TPH2: variants seen among roughly 807,000 people sequenced by gnomAD.
The protein encoded by TPH2 is tryptophan 5-hydroxylase 2.
Under a neutral mutation model 59.1 loss-of-function variants are expected in TPH2, and 27 were observed. The ratio of observed to expected loss-of-function variants is 0.46; its 90% CI spans 0.34 to 0.63. The LOEUF is 0.63. Among genes scored for constraint, TPH2 ranks in the 30% least tolerant of loss-of-function variants. The probability of loss-of-function intolerance (pLI) is 0.01; values close to 1 mark genes in which losing one functional copy is unlikely to be tolerated. For synonymous variants in TPH2, 220 were observed against 210.5 expected (o/e 1.05, Z -0.39); for missense variants, 523 against 588.3 (o/e 0.89, Z 1.15).
chr12:71,952,255 G>A (rs1020393407), intron 5 of TPH2, among the ~76,000 whole-genome samples: 2 of 152,176 alleles, frequency 1.3e-5, no homozygotes, highest in Non-Finnish European at 2.9e-5. Context: ...AGATGAAGGT[G>A]TGATGTCTGT....
At chr12:71,990,355 A>G (rs2139218651) in intron 7 of TPH2, among the ~76,000 whole-genome samples, 1 of 152,300 alleles carries the variant, frequency 6.6e-6, no homozygotes, top group East Asian at 1.9e-4. Context: ...AATAGAGTTT[A>G]ATAGCATAAT....
intron 8 of TPH2, among the ~76,000 whole-genome samples, chr12:72,014,292 C>T (rs1048063727): frequency 6.6e-6 from 1 of 152,110 alleles, no homozygotes; most frequent in Non-Finnish European, 1.5e-5. Context: ...TCTTAATTTA[C>T]ATTTTACATA....
rs767555016 is a variant in TPH2, at chr12:71,979,073, C to T, written c.927C>T (p.Leu309=). The change falls in exon 7 of 11, where the codon CTC becomes CTT. Residue 309 remains leucine (L), a synonymous_variant. Transcript: ENST00000333850. ...ACATCCGGCATGGCTCAGATCCCCT[C>T]TACACCCCAGAACCGTGAGTACCTA... is the stretch of plus-strand genomic sequence containing the variant. The part of the protein sequence containing the change: ...TQYIRHGSDP[L]YTPEPDTCHE... 1.8e-5 allele frequency: 29 copies of T among 1,614,160 alleles called. 2 individuals carry two copies. The Middle Eastern group carries it at 4.0e-3, about 220-fold the overall frequency.
intron 7 of TPH2, among the ~76,000 whole-genome samples, chr12:71,993,137 G>A (rs1196840853): frequency 6.6e-6 from 1 of 152,178 alleles, no homozygotes; most frequent in Non-Finnish European, 1.5e-5. Flanking sequence ...TTGGGGATAC[G>A]GTTTGAGTTG....
chr12:72,027,414 A>G (rs1211466145), intron 9 of TPH2, among the ~76,000 whole-genome samples: 1 of 152,184 alleles, frequency 6.6e-6, no homozygotes, highest in Non-Finnish European at 1.5e-5. Context: ...CCATTACCTC[A>G]TTTAATTTTG....
intron 5 of TPH2, among the ~76,000 whole-genome samples, chr12:71,969,107 C>A (rs922199945): frequency 1.3e-5 from 2 of 152,076 alleles, no homozygotes; most frequent in Admixed American, 6.6e-5. Flanking sequence ...CACGGTGAAA[C>A]CCCATCTCTA....
At chr12:71,997,682 C>CT in intron 8 of TPH2, among the ~76,000 whole-genome samples, 1 of 152,074 alleles carries the variant, frequency 6.6e-6, no homozygotes, top group East Asian at 1.9e-4. Flanking sequence ...AATGTACCTG[C>CT]TTTTTTGCAA....
At chr12:71,995,369 C>T (rs1872669144) in intron 8 of TPH2, among the ~76,000 whole-genome samples, 1 of 151,986 alleles carries the variant, frequency 6.6e-6, no homozygotes, top group Non-Finnish European at 1.5e-5. Context: ...AGTCAGTTAG[C>T]CTAGTGAGCA....
chr12:71,999,707 T>C (rs1427982157), intron 8 of TPH2, among the ~76,000 whole-genome samples: 3 of 152,204 alleles, frequency 2.0e-5, no homozygotes, highest in Non-Finnish European at 4.4e-5. Context: ...AATGTATATA[T>C]TATGCTAAAG....
chr12:71,992,586 A>G (rs1011773548), intron 7 of TPH2, among the ~76,000 whole-genome samples: 19 of 152,080 alleles, frequency 1.2e-4, no homozygotes, highest in African/African-American at 4.6e-4. Flanking sequence ...CCCGAGCAAC[A>G]AAGGGAGACC....
intron 5 of TPH2, among the ~76,000 whole-genome samples, chr12:71,952,188 G>A (rs1871366928): frequency 6.6e-6 from 1 of 152,098 alleles, no homozygotes; most frequent in African/African-American, 2.4e-5. Flanking sequence ...TGGAGAGTGA[G>A]GTTCTCAAAG....
intron 6 of TPH2, among the ~76,000 whole-genome samples, chr12:71,978,443 A>G (rs1175177720): frequency 1.3e-5 from 2 of 152,216 alleles, no homozygotes; most frequent in African/African-American, 4.8e-5. Flanking sequence ...GATAATTTAT[A>G]TAACATCACA....
chr12:72,029,239 A>G (rs762653710), intron 9 of TPH2, among the ~76,000 whole-genome samples: 1 of 152,172 alleles, frequency 6.6e-6, no homozygotes, highest in Non-Finnish European at 1.5e-5. Flanking sequence ...GTCCCAAGGG[A>G]GCCATGGCTT....
chr12:71,983,043 CA>C (rs780253549), intron 7 of TPH2, among the ~76,000 whole-genome samples: 3 of 145,874 alleles, frequency 2.1e-5, no homozygotes, highest in Non-Finnish European at 4.5e-5. Context: ...CAAATCTGCA[CA>C]TGGACTCCCT....
intron 6 of TPH2, among the ~76,000 whole-genome samples, chr12:71,977,178 C>T (rs548023478): frequency 6.6e-6 from 1 of 152,280 alleles, no homozygotes; most frequent in East Asian, 1.9e-4. Context: ...CACCTGTATT[C>T]CCCGAGTAGC....
At chr12:72,007,414 ATAAC>A (rs1362372509) in intron 8 of TPH2, among the ~76,000 whole-genome samples, 1 of 152,204 alleles carries the variant, frequency 6.6e-6, no homozygotes, top group Non-Finnish European at 1.5e-5. Context: ...CCTTCCCTGA[ATAAC>A]TAAATAAAGC....
chr12:71,995,882 A>G (rs1208662627), intron 8 of TPH2, among the ~76,000 whole-genome samples: 1 of 152,230 alleles, frequency 6.6e-6, no homozygotes, highest in Non-Finnish European at 1.5e-5. Context: ...AAGAAAATAT[A>G]TTTGTAGACT....
intron 7 of TPH2, among the ~76,000 whole-genome samples, chr12:71,982,941 C>A (rs1185025748): frequency 1.3e-5 from 2 of 152,190 alleles, no homozygotes; most frequent in Non-Finnish European, 2.9e-5. Context: ...TCTTTGACTT[C>A]TTTTTACATT....
chr12:71,949,849 G>C (rs914346300), intron 5 of TPH2, among the ~76,000 whole-genome samples, 194 bp downstream of exon 5: 2 of 152,064 alleles, frequency 1.3e-5, no homozygotes, highest in Non-Finnish European at 2.9e-5. Flanking sequence ...AAAATAATGA[G>C]ACCTGTGAGC....
Sources: gnomAD v4.1 joint callset for allele counts (sites outside exome capture counted in the v4.1 genomes callset) on GRCh38, gnomAD v4.1.1 for gene constraint, MANE v1.5 for transcripts, NCBI Gene and HGNC (gene_info 2026-07-23, HGNC 2026-07-21) for gene names.